Variants in SETD5 observed in about 807,000 individuals in gnomAD.
The protein encoded by SETD5 is histone-lysine N-methyltransferase SETD5.
Under a neutral mutation model 153.3 loss-of-function variants are expected in SETD5, and 44 were observed. The ratio of observed to expected loss-of-function variants is 0.29; its 90% CI spans 0.23 to 0.37. The LOEUF is 0.37. SETD5 is among the 10% of genes least tolerant of loss of function. The pLI is 1.00. For missense variants in SETD5, 1,544 were observed against 1,768.0 expected, an observed-to-expected ratio of 0.87 and a Z score of 2.27; for synonymous variants, 716 against 645.2, an observed-to-expected ratio of 1.11 and a Z score of -1.66.
rs2040280410 is a variant in SETD5 at position 9,434,069 on chromosome 3, C to T, written c.177+119C>T. 1 of 1,597,312 alleles carries T rather than the reference C, an allele frequency of 6.3e-7. No homozygotes were observed. On this transcript the variant is annotated intron_variant, in intron 4 of 22. Coordinates refer to ENST00000402198, the MANE Select transcript of SETD5 (RefSeq NM_001080517.3). This position sits in a 1 kb window ranked among gnomAD's most constrained non-coding sequence, Gnocchi z 5.6. ...GCATGACGAAGTTGCCCCTTTTGCA[C>T]TTCCCTGACTCCAGCGGACGTCTAG... is the stretch of plus-strand genomic sequence containing the variant.
At chr3:9,419,102 C>T (rs1309023619) in intron 1 of SETD5, among the ~76,000 whole-genome samples, 2 of 152,182 alleles carry the variant, frequency 1.3e-5, no homozygotes, top group Non-Finnish European at 2.9e-5. Context: ...GCTGGGATTG[C>T]AGGCATGAGC....
intron 1 of SETD5, among the ~76,000 whole-genome samples, chr3:9,420,251 A>T (rs2038167139): frequency 6.6e-6 from 1 of 151,876 alleles, no homozygotes; most frequent in Non-Finnish European, 1.5e-5. Flanking sequence ...AATAATAATA[A>T]TAATTCTGTT....
chr3:9,433,514 C>G, intron 3 of SETD5: 10 of 1,293,540 alleles, frequency 7.7e-6, no homozygotes, highest in Non-Finnish European at 1.0e-5. Flanking sequence ...AGTTCTGAGT[C>G]TAAACCAGCC....
intron 16 of SETD5, among the ~76,000 whole-genome samples, chr3:9,449,042 A>T (rs899882014): frequency 2.0e-5 from 3 of 152,220 alleles, no homozygotes; most frequent in Non-Finnish European, 1.5e-5. Context: ...TAAATGAAAA[A>T]AATTAAATTG....
At chr3:9,430,360 T>C (rs538518346) in intron 3 of SETD5, 1 of 981,316 alleles carries the variant, frequency 1.0e-6, no homozygotes, top group East Asian at 1.1e-4. Context: ...CTTATTCCCA[T>C]ATAAAAAGGA....
chr3:9,428,623 C>G (rs2039598755), intron 2 of SETD5, among the ~76,000 whole-genome samples, 200 bp from the exon 3 acceptor site: 1 of 152,116 alleles, frequency 6.6e-6, no homozygotes, highest in South Asian at 2.1e-4. Context: ...GTAAACATAA[C>G]TTTTTGCCCC....
At chr3:9,463,051 C>T (rs930485450) in intron 17 of SETD5, among the ~76,000 whole-genome samples, 2 of 151,872 alleles carry the variant, frequency 1.3e-5, no homozygotes, top group African/African-American at 4.8e-5. Flanking sequence ...CAGTCTCCTC[C>T]CTCTGTCACC....
At chr3:9,442,681 C>T (rs1212934329) in intron 10 of SETD5, among the ~76,000 whole-genome samples, 3 of 152,104 alleles carry the variant, frequency 2.0e-5, no homozygotes, top group Non-Finnish European at 2.9e-5. Flanking sequence ...GCAAGAAAAT[C>T]CACAGAGCTT....
intron 17 of SETD5, among the ~76,000 whole-genome samples, chr3:9,463,359 A>C (rs2044203988): frequency 1.3e-5 from 2 of 152,210 alleles, no homozygotes; most frequent in South Asian, 4.1e-4. Context: ...CCTCTTGAAA[A>C]TAGAATGTAT....
At chr3:9,465,318 T>C (rs1448903908) in intron 18 of SETD5, among the ~76,000 whole-genome samples, 1 of 152,230 alleles carries the variant, frequency 6.6e-6, no homozygotes, top group Non-Finnish European at 1.5e-5. Context: ...AATGTCTGCC[T>C]CAGCTGTTTC....
At chr3:9,426,734 C>T (rs530076076) in intron 2 of SETD5, among the ~76,000 whole-genome samples, 11 of 152,094 alleles carry the variant, frequency 7.2e-5, no homozygotes, top group African/African-American at 2.2e-4. Flanking sequence ...GACAGGATCT[C>T]GCCATGTTTC....
At position 9,453,435 on chromosome 3, in the gene SETD5, C is replaced by A. The variant is rs3898760; in HGVS notation, c.2347-304C>A. ...TAAATAAATGTTAAGATTTCTTCCTCAGTCTTGCCATTTTACACCATCCCA... is the reference window on the plus strand; with the variant it reads ...TAAATAAATGTTAAGATTTCTTCCTAAGTCTTGCCATTTTACACCATCCCA... On this transcript the variant is annotated intron_variant, in intron 16 of 22. Coordinates refer to ENST00000402198, the MANE Select transcript of SETD5 (RefSeq NM_001080517.3). Among the ~76,000 whole-genome samples, 39,237 of 152,030 alleles carry A rather than the reference C, an allele frequency of 0.26. 5,863 individuals carry two copies. The highest frequency in any genetic ancestry group is 0.41 in the African/African-American group (17,045 of 41,444).
At chr3:9,414,291 A>G (rs777665497) in intron 1 of SETD5, among the ~76,000 whole-genome samples, 2 of 152,224 alleles carry the variant, frequency 1.3e-5, no homozygotes, top group African/African-American at 4.8e-5. Flanking sequence ...AAGAGTTGGA[A>G]TTCAAAATGT....
intron 2 of SETD5, 38 bp downstream of exon 2, chr3:9,424,564 AT>A (rs2038871577): frequency 6.6e-6 from 1 of 152,036 alleles, no homozygotes; most frequent in Admixed American, 6.6e-5. Context: ...TTTCTGTTTT[AT>A]TTTTTGCATT....
intron 20 of SETD5, 133 bp from the exon 21 acceptor site, chr3:9,474,316 G>A (rs113309668): frequency 1.8e-5 from 17 of 956,608 alleles, no homozygotes; most frequent in Admixed American, 5.5e-5. Flanking sequence ...GAGGAAATAC[G>A]TTGTTTTAAA....
intron 22 of SETD5, 23 bp from the exon 23 acceptor site, chr3:9,475,460 C>T (rs771830669): frequency 2.0e-5 from 32 of 1,591,648 alleles, no homozygotes; most frequent in Admixed American, 8.7e-5. Flanking sequence ...CGTCCTTATT[C>T]GTTTCCTCCC....
intron 19 of SETD5, among the ~76,000 whole-genome samples, chr3:9,472,579 T>A (rs1446946818): frequency 6.6e-6 from 1 of 152,240 alleles, no homozygotes; most frequent in Non-Finnish European, 1.5e-5. Flanking sequence ...TAATTACATC[T>A]ATGTGTAAGA....
intron 1 of SETD5, among the ~76,000 whole-genome samples, chr3:9,421,869 G>A (rs2038462829): frequency 6.6e-6 from 1 of 152,064 alleles, no homozygotes; most frequent in Non-Finnish European, 1.5e-5. Flanking sequence ...AGAAGTAATA[G>A]ATTGGGCTGA....
chr3:9,453,146 C>T (rs1018952155), intron 16 of SETD5, among the ~76,000 whole-genome samples: 2 of 151,988 alleles, frequency 1.3e-5, no homozygotes, highest in African/African-American at 2.4e-5. Flanking sequence ...TCGTGATTTG[C>T]ATTACTCATG....
Sources: allele counts gnomAD v4.1 joint callset (sites outside exome capture counted in the v4.1 genomes callset), GRCh38; gene constraint gnomAD v4.1.1; non-coding constraint Gnocchi (gnomAD v3.1); transcripts MANE v1.5; gene names NCBI Gene and HGNC (gene_info 2026-07-23, HGNC 2026-07-21).